The following CDH23 variants were observed in gnomAD, a reference collection of about 807,000 sequenced individuals.
CDH23 encodes cadherin-23.
A neutral mutation model predicts 317.1 loss-of-function variants in CDH23; 189 were observed. That is an observed-to-expected ratio of 0.60 (90% CI 0.53 to 0.67). The LOEUF (loss-of-function observed/expected upper bound fraction) is 0.67, where lower values mean the gene tolerates loss of function less well. CDH23 is among the 30% of genes least tolerant of loss of function. CDH23 has a pLI of 0.00. For missense variants in CDH23, 4,401 were observed against 4,592.4 expected, an observed-to-expected ratio of 0.96 and a Z score of 1.20; for synonymous variants, 1,839 against 1,876.8, an observed-to-expected ratio of 0.98 and a Z score of 0.52.
At chr10:71,730,923 G>C (rs758744555) in intron 31 of CDH23, among the ~76,000 whole-genome samples, 9 of 152,364 alleles carry the variant, frequency 5.9e-5, no homozygotes, top group Non-Finnish European at 1.3e-4. Context: ...AGAGCTGGGA[G>C]GGGTAAAGAG....
chr10:71,403,626 C>T (rs748320059), intron 1 of CDH23, among the ~76,000 whole-genome samples: 2 of 150,838 alleles, frequency 1.3e-5, no homozygotes, highest in Non-Finnish European at 2.9e-5. Flanking sequence ...AAGTGATTCT[C>T]CTGCCTCAGC....
In CDH23 at chr10:71,566,866, G is replaced by A. The variant is rs1205912682; in HGVS notation, c.554G>A (p.Gly185Asp). 2 of 1,613,836 alleles carry A rather than the reference G, an allele frequency of 1.2e-6. No homozygotes were observed. Among genetic ancestry groups the A allele is most frequent in the East Asian group, 2.2e-5 (1 of 44,892 alleles). ...TTCTTCGCCATTGACAGCGCCCGCG[G>A]TATCGTCACAGTGATCCGGGAGCTG... ...SQFFAIDSARGIVTVIRELDY... is the reference protein window; with the variant it reads ...SQFFAIDSARDIVTVIRELDY... The change falls in exon 7 of 70, where the codon GGT (glycine) becomes GAT (aspartate). Residue 185 changes from glycine to aspartate, a missense_variant. By Grantham distance (94) the Gly-to-Asp change is moderately conservative (BLOSUM62 -1). Coordinates refer to ENST00000224721, the MANE Select transcript of CDH23 (RefSeq NM_022124.6).
intron 9 of CDH23, among the ~76,000 whole-genome samples, chr10:71,578,530 C>T (rs1210818429): frequency 3.3e-5 from 5 of 152,096 alleles, no homozygotes; most frequent in African/African-American, 1.2e-4. Flanking sequence ...CGCCCAGCTG[C>T]CTTGGTTGAG....
intron 11 of CDH23, among the ~76,000 whole-genome samples, chr10:71,625,674 GCCTCCAGGC>G (rs1463355644): frequency 6.6e-6 from 1 of 152,134 alleles, no homozygotes; most frequent in Non-Finnish European, 1.5e-5. Context: ...GGGCTGCAGT[GCCTCCAGGC>G]CCTCCCCACG....
In CDH23 at chr10:71,458,387, A is replaced by G. The variant is rs913210443; in HGVS notation, c.145+11992A>G. Among the ~76,000 whole-genome samples the G allele has an allele frequency of 3.9e-5, 6 of 152,358 alleles. No individual in the cohort carries two copies. In the South Asian group the frequency reaches 1.0e-3, roughly 26 times the overall value. ...TGGGAGGCACAAGGCCTGGGTTTCA[A>G]TGCCAGCTCTGCCACTTATTAGCGT... On this transcript the variant is annotated intron_variant, in intron 3 of 69. Coordinates refer to ENST00000224721, the MANE Select transcript of CDH23 (RefSeq NM_022124.6).
intron 9 of CDH23, among the ~76,000 whole-genome samples, chr10:71,586,396 A>G (rs1227721258): frequency 1.5e-4 from 23 of 152,116 alleles, no homozygotes; most frequent in Admixed American, 1.3e-3. Context: ...TTCTCTTTCT[A>G]TTTTAACTTG....
chr10:71,577,077 A>G (rs527303063), intron 8 of CDH23, among the ~76,000 whole-genome samples: 22 of 152,222 alleles, frequency 1.4e-4, no homozygotes, highest in African/African-American at 5.1e-4. Context: ...CCATTCGCCA[A>G]TTCCTCCAGG....
intron 45 of CDH23, among the ~76,000 whole-genome samples, 156 bp downstream of exon 45, chr10:71,789,198 G>T (rs931689971): frequency 6.6e-6 from 1 of 152,210 alleles, no homozygotes; most frequent in Non-Finnish European, 1.5e-5. Flanking sequence ...GAGATGGTGG[G>T]CTGGGGCTCC....
chr10:71,484,498 C>T (rs1852237446), intron 3 of CDH23, among the ~76,000 whole-genome samples: 1 of 152,170 alleles, frequency 6.6e-6, no homozygotes, highest in Non-Finnish European at 1.5e-5. Flanking sequence ...GAGGCTGGCA[C>T]TCCCTGGGCC....
At chr10:71,419,865 G>A (rs1589282217) in intron 1 of CDH23, among the ~76,000 whole-genome samples, 1 of 152,270 alleles carries the variant, frequency 6.6e-6, no homozygotes, top group East Asian at 1.9e-4. Flanking sequence ...TTAGGGGAGA[G>A]TGGGCCAAGA....
At chr10:71,528,780 G>A (rs1436339733) in intron 6 of CDH23, among the ~76,000 whole-genome samples, 3 of 152,208 alleles carry the variant, frequency 2.0e-5, no homozygotes, top group Non-Finnish European at 2.9e-5. Context: ...GCTCCCCTGG[G>A]ACTCTGAGCT....
chr10:71,814,472 G>C (rs1244127070), intron 69 of CDH23, among the ~76,000 whole-genome samples: 1 of 152,228 alleles, frequency 6.6e-6, no homozygotes, highest in Non-Finnish European at 1.5e-5. Flanking sequence ...ACTTTGGGAG[G>C]CTGAGGCTGG....
At chr10:71,503,649 G>A (rs1177158496) in intron 3 of CDH23, among the ~76,000 whole-genome samples, 1 of 152,224 alleles carries the variant, frequency 6.6e-6, no homozygotes, top group Non-Finnish European at 1.5e-5. Context: ...AGCAAGTCAA[G>A]TGAATAAGCA....
At chr10:71,466,701 G>A (rs1307586785) in intron 3 of CDH23, among the ~76,000 whole-genome samples, 1 of 152,236 alleles carries the variant, frequency 6.6e-6, no homozygotes, top group Non-Finnish European at 1.5e-5. Context: ...GTGTGTGTGT[G>A]TAGGTACTGA....
At chr10:71,710,707 C>T (rs1168652472) in intron 27 of CDH23, among the ~76,000 whole-genome samples, 1 of 152,220 alleles carries the variant, frequency 6.6e-6, no homozygotes, top group Non-Finnish European at 1.5e-5. Context: ...CATAAGGTTT[C>T]AGTACATGAA....
chr10:71,480,874 T>C (rs1214002782), intron 3 of CDH23, among the ~76,000 whole-genome samples: 3 of 151,896 alleles, frequency 2.0e-5, no homozygotes, highest in Admixed American at 6.6e-5. Flanking sequence ...ATGAGGGAGA[T>C]GGAAGAATCT....
At chr10:71,402,756 C>T (rs4492735) in intron 1 of CDH23, among the ~76,000 whole-genome samples, 27,883 of 151,826 alleles carry the variant, frequency 0.18, 2,646 homozygotes, top group South Asian at 0.25. Context: ...CACGCGCGCG[C>T]GCGCACATGC....
intron 31 of CDH23, 110 bp downstream of exon 31, chr10:71,730,714 T>C (rs1197234246): frequency 1.4e-6 from 2 of 1,470,772 alleles, no homozygotes; most frequent in Non-Finnish European, 1.8e-6. Flanking sequence ...GCTCCCCATT[T>C]AGCCATGTCT....
At chr10:71,729,866 G>T (rs1056083169) in intron 30 of CDH23, among the ~76,000 whole-genome samples, 1 of 150,818 alleles carries the variant, frequency 6.6e-6, no homozygotes, top group African/African-American at 2.4e-5. Context: ...ATGGAGTCTC[G>T]CTCTGTTGCC....
Sources: allele counts gnomAD v4.1 joint callset (sites outside exome capture counted in the v4.1 genomes callset), GRCh38; gene constraint gnomAD v4.1.1; transcripts MANE v1.5; gene names NCBI Gene and HGNC (gene_info 2026-07-23, HGNC 2026-07-21).